XKR6: variants seen among roughly 807,000 people sequenced by gnomAD.
XKR6 encodes the protein XK related 6.
Under a neutral mutation model 56.7 loss-of-function variants are expected in XKR6, and 22 were observed. The ratio of observed to expected loss-of-function variants is 0.39; its 90% confidence interval spans 0.28 to 0.55. XKR6 has a LOEUF of 0.55. Among genes scored for constraint, XKR6 ranks in the 20% least tolerant of loss-of-function variants. The pLI is 0.66. For synonymous variants in XKR6, 524 were observed against 387.8 expected, an observed-to-expected ratio of 1.35 and a Z score of -4.13; for missense variants, 852 against 889.0, an observed-to-expected ratio of 0.96 and a Z score of 0.53.
At chr8:11,097,432 A>T (rs569869936) in intron 1 of XKR6, among the ~76,000 whole-genome samples, 2 of 152,146 alleles carry the variant, frequency 1.3e-5, no homozygotes, top group South Asian at 2.1e-4. Flanking sequence ...GTGTAAAAGT[A>T]GATAATACCA....
At chr8:11,087,779 T>C (rs1431940762) in intron 1 of XKR6, among the ~76,000 whole-genome samples, 1 of 152,212 alleles carries the variant, frequency 6.6e-6, no homozygotes, top group African/African-American at 2.4e-5. Flanking sequence ...TTTGTGAACA[T>C]CTGATCTCAC....
At chr8:10,994,683 C>T (rs1798069948) in intron 1 of XKR6, among the ~76,000 whole-genome samples, 3 of 152,206 alleles carry the variant, frequency 2.0e-5, no homozygotes, top group Admixed American at 2.0e-4. Context: ...CTGCTTCTTA[C>T]TCCATTTAAT....
At chr8:11,128,965 A>C in intron 1 of XKR6, 1 of 456,626 alleles carries the variant, frequency 2.2e-6, no homozygotes, top group South Asian at 1.5e-5. Context: ...CTTTTTTTCA[A>C]AAGAATTAAG....
intron 2 of XKR6, among the ~76,000 whole-genome samples, chr8:10,915,956 G>C (rs1173060431): frequency 6.6e-6 from 1 of 152,224 alleles, no homozygotes; most frequent in Non-Finnish European, 1.5e-5. Context: ...TTAATTGCTC[G>C]AGGCCAAGGC....
chr8:11,055,548 G>A (rs1223473103), intron 1 of XKR6, among the ~76,000 whole-genome samples: 1 of 152,144 alleles, frequency 6.6e-6, no homozygotes, highest in East Asian at 1.9e-4. Context: ...ATGGGGTTCC[G>A]CCCGCCCCGC....
chr8:11,068,332 G>GT (rs111560821), intron 1 of XKR6, among the ~76,000 whole-genome samples: 21 of 152,244 alleles, frequency 1.4e-4, no homozygotes, highest in African/African-American at 4.8e-4. Context: ...GATACGGTGG[G>GT]TGGGGGGCTG....
intron 1 of XKR6, among the ~76,000 whole-genome samples, chr8:10,927,990 T>G (rs930796831): frequency 2.6e-5 from 4 of 152,188 alleles, no homozygotes; most frequent in Non-Finnish European, 5.9e-5. Flanking sequence ...CAAGCCTCAA[T>G]GCAAATGCTC....
At chr8:11,154,815 G>C (rs1480408742) in intron 1 of XKR6, among the ~76,000 whole-genome samples, 1 of 152,140 alleles carries the variant, frequency 6.6e-6, no homozygotes, top group African/African-American at 2.4e-5. Flanking sequence ...AAAGTACCTT[G>C]TCTTCTGTCC....
intron 1 of XKR6, among the ~76,000 whole-genome samples, chr8:11,118,530 G>A (rs756556472): frequency 2.0e-5 from 3 of 152,134 alleles, no homozygotes; most frequent in Non-Finnish European, 2.9e-5. Context: ...TCCTGGTTTC[G>A]TCCTGGGAGA....
chr8:11,117,677 T>C (rs192384145), intron 1 of XKR6, among the ~76,000 whole-genome samples: 5 of 152,140 alleles, frequency 3.3e-5, no homozygotes, highest in Non-Finnish European at 4.4e-5. Flanking sequence ...ACTTTAATTA[T>C]GACATAAACC....
At chr8:10,920,729 G>A (rs898705664) in intron 2 of XKR6, among the ~76,000 whole-genome samples, 16 of 152,252 alleles carry the variant, frequency 1.1e-4, no homozygotes, top group Non-Finnish European at 2.2e-4. Flanking sequence ...CAGGCAGCCC[G>A]TGCTCAGTGA....
intron 1 of XKR6, among the ~76,000 whole-genome samples, chr8:10,961,034 G>A (rs1422162995): frequency 2.0e-5 from 3 of 152,126 alleles, no homozygotes; most frequent in Admixed American, 6.6e-5. Context: ...GGCAAAGATC[G>A]AGGGGCAGAG....
intron 1 of XKR6, among the ~76,000 whole-genome samples, chr8:11,166,611 C>G (rs1331803502): frequency 6.6e-6 from 1 of 152,084 alleles, no homozygotes; most frequent in Admixed American, 6.6e-5. Flanking sequence ...TCACTCTTGT[C>G]GCTCAGGCTG....
intron 1 of XKR6, among the ~76,000 whole-genome samples, chr8:11,195,863 AG>A (rs2117151301): frequency 6.6e-6 from 1 of 151,682 alleles, no homozygotes; most frequent in Admixed American, 6.6e-5. Context: ...CATGTTAGCC[AG>A]GATGGTCGCG....
intron 1 of XKR6, chr8:11,194,913 G>A (rs564798623): frequency 3.7e-6 from 2 of 534,872 alleles, no homozygotes; most frequent in African/African-American, 1.9e-5. Context: ...TGCATCCCCA[G>A]TTGCAATTTC....
chr8:11,072,866 A>G (rs1045277739), intron 1 of XKR6, among the ~76,000 whole-genome samples: 5 of 152,122 alleles, frequency 3.3e-5, no homozygotes, highest in Non-Finnish European at 5.9e-5. Flanking sequence ...CCTGGCCAAC[A>G]TGGTGAAACC....
At chr8:11,195,903 G>A (rs1343840265) in intron 1 of XKR6, among the ~76,000 whole-genome samples, 6 of 149,560 alleles carry the variant, frequency 4.0e-5, no homozygotes, top group Admixed American at 1.3e-4. Flanking sequence ...CCGCCACCTC[G>A]GCCTCCCACT....
intron 1 of XKR6, among the ~76,000 whole-genome samples, chr8:11,004,759 T>C (rs1055255370): frequency 6.6e-6 from 1 of 152,218 alleles, no homozygotes; most frequent in Non-Finnish European, 1.5e-5. Flanking sequence ...AACAACATTA[T>C]TCACAATAGC....
At chr8:11,178,552 A>ATATATATATATATATATG (rs1585022974) in intron 1 of XKR6, among the ~76,000 whole-genome samples, 9 of 117,190 alleles carry the variant, frequency 7.7e-5, no homozygotes, top group South Asian at 7.2e-4. Context: ...GTAAAAATAT[A>ATATATATATATATATATG]TATATATATA....
Sources: gnomAD v4.1 joint callset for allele counts (sites outside exome capture counted in the v4.1 genomes callset) on GRCh38, gnomAD v4.1.1 for gene constraint, MANE v1.5 for transcripts, NCBI Gene and HGNC (gene_info 2026-07-23, HGNC 2026-07-21) for gene names.